The following TAFA1 variants were observed in gnomAD, a reference collection of about 807,000 sequenced individuals.
TAFA1 encodes chemokine-like protein TAFA-1.
TAFA1 carries 4 observed loss-of-function variants against 18.5 expected under a neutral mutation model. The ratio of observed to expected loss-of-function variants is 0.22; its 90% CI spans 0.11 to 0.49. TAFA1 has a LOEUF of 0.49. Among genes scored for constraint, TAFA1 ranks in the 20% least tolerant of loss-of-function variants. The pLI is 0.98. For missense variants in TAFA1, 147 were observed against 169.0 expected (o/e 0.87, Z 0.72); for synonymous variants, 56 against 55.2 (o/e 1.01, Z -0.06).
intron 2 of TAFA1, among the ~76,000 whole-genome samples, chr3:68,126,072 G>A (rs549890650): frequency 3.6e-4 from 55 of 152,162 alleles, no homozygotes; most frequent in African/African-American, 1.0e-3. Context: ...CTGCTCCTTC[G>A]CTCCTGTCTC....
intron 2 of TAFA1, among the ~76,000 whole-genome samples, chr3:68,065,756 A>ATG (rs2064668168): frequency 1.4e-5 from 2 of 147,296 alleles, no homozygotes; most frequent in South Asian, 4.3e-4. Flanking sequence ...ATATATATAT[A>ATG]TATATATATA....
chr3:68,321,143 G>A (rs1240224865), intron 2 of TAFA1, among the ~76,000 whole-genome samples: 1 of 152,136 alleles, frequency 6.6e-6, no homozygotes, highest in Admixed American at 6.6e-5. Flanking sequence ...TCTCGAATAG[G>A]GGATAAATAT....
At chr3:68,521,691 T>C (rs1365475309) in intron 3 of TAFA1, among the ~76,000 whole-genome samples, 2 of 152,008 alleles carry the variant, frequency 1.3e-5, no homozygotes, top group Non-Finnish European at 1.5e-5. Context: ...GATTTTCTTG[T>C]ATTTGAGAAA....
chr3:68,035,204 G>A lies in TAFA1; in HGVS notation c.118+28460G>A, dbSNP rs1448137227. ...ATTAGACTTTTATTTCCAGAGATCTGTGGGCCAGGCCAGCCTGTGGTCCTA... is the reference window on the plus strand; with the variant it reads ...ATTAGACTTTTATTTCCAGAGATCTATGGGCCAGGCCAGCCTGTGGTCCTA... On this transcript the variant is annotated intron_variant, in intron 2 of 4. Transcript: ENST00000478136. Among the ~76,000 whole-genome samples, 2 of 152,100 alleles carry A rather than the reference G, an allele frequency of 1.3e-5. 1 individual carries two copies. Among genetic ancestry groups the A allele is most frequent in the Middle Eastern group, 6.3e-3 (2 of 316 alleles).
intron 2 of TAFA1, among the ~76,000 whole-genome samples, chr3:68,235,354 T>C (rs902282450): frequency 1.3e-5 from 2 of 152,228 alleles, no homozygotes; most frequent in African/African-American, 4.8e-5. Flanking sequence ...GTCTCTATTA[T>C]ATTGATAGCA....
rs114527045 is a variant in TAFA1, at chr3:68,453,019, A to G, written c.259+35599A>G. ...AATATAAATTCATTTGAAACACTAC[A>G]GTGTTGCTAGATACTTGGGGCTTTT... On this transcript the variant is annotated intron_variant, in intron 3 of 4. Transcript: ENST00000478136. 7.4e-3 allele frequency among the ~76,000 whole-genome samples: 1,127 copies of G among 152,286 alleles called. 11 individuals carry two copies. Among genetic ancestry groups the G allele is most frequent in the African/African-American group, 0.025 (1,047 of 41,556 alleles).
intron 2 of TAFA1, among the ~76,000 whole-genome samples, chr3:68,157,859 T>G (rs1438526640): frequency 1.3e-5 from 2 of 152,172 alleles, no homozygotes; most frequent in African/African-American, 4.8e-5. Context: ...TCTACTTGGT[T>G]TGAAGGATTT....
upstream of TAFA1, among the ~76,000 whole-genome samples, chr3:68,002,035 C>T (rs554254066): frequency 3.7e-4 from 57 of 152,292 alleles, no homozygotes; most frequent in African/African-American, 1.3e-3. Flanking sequence ...ATACCCAACC[C>T]TAAAGGGATC....
chr3:68,434,787 G>A (rs1191882932), intron 3 of TAFA1, among the ~76,000 whole-genome samples: 2 of 152,080 alleles, frequency 1.3e-5, no homozygotes, highest in Non-Finnish European at 2.9e-5. Flanking sequence ...TCTAAAACTA[G>A]TCATTTTTGC....
Position 68,484,226 on chromosome 3 carries a change from A to T in TAFA1, c.260-54530A>T, listed in dbSNP as rs189341038. On this transcript the variant is annotated intron_variant, in intron 3 of 4. Coordinates refer to ENST00000478136, the MANE Select transcript of TAFA1 (RefSeq NM_213609.4). ...AGTGTATATTTTAGACTTATAGCGT[A>T]TCTCATTTGGAACCAGCCACCTTTC... Among the ~76,000 whole-genome samples the T allele has an allele frequency of 6.3e-4, 96 of 152,302 alleles. 1 individual carries two copies. The highest frequency in any genetic ancestry group is 6.2e-3 in the South Asian group (30 of 4,820).
In TAFA1 at chr3:68,145,312, G is replaced by A. The variant is rs1319185690; in HGVS notation, c.118+138568G>A. ...CTCATCAGTGGTCTGAGACAGTCCAGCCAATTATGGAAGCACTTAGAGATG... is the reference window on the plus strand; with the variant it reads ...CTCATCAGTGGTCTGAGACAGTCCAACCAATTATGGAAGCACTTAGAGATG... On this transcript the variant is annotated intron_variant, in intron 2 of 4. Coordinates refer to ENST00000478136, the MANE Select transcript of TAFA1 (RefSeq NM_213609.4). 3 of 791,816 alleles carry A rather than the reference G, an allele frequency of 3.8e-6. No homozygotes were observed. In the East Asian group the frequency reaches 7.3e-5, roughly 19 times the overall value. The allele number at this position is 791,816 out of a possible 1,614,324, so 49.0% of individuals were successfully genotyped here.
chr3:68,383,417 C>A (rs1447668011), intron 2 of TAFA1, among the ~76,000 whole-genome samples: 1 of 151,992 alleles, frequency 6.6e-6, no homozygotes, highest in Admixed American at 6.6e-5. Context: ...TTTGTGAAAG[C>A]CTTTTCTGCA....
chr3:68,001,657 T>G (rs1174209688), upstream of TAFA1, among the ~76,000 whole-genome samples: 1 of 151,974 alleles, frequency 6.6e-6, no homozygotes, highest in Non-Finnish European at 1.5e-5. Context: ...GACATAGTTG[T>G]GATTACTGAT....
chr3:68,478,679 T>C (rs1483437923), intron 3 of TAFA1, among the ~76,000 whole-genome samples: 1 of 152,096 alleles, frequency 6.6e-6, no homozygotes, highest in African/African-American at 2.4e-5. Flanking sequence ...TTGAAACAAC[T>C]AGCAATTTAT....
At chr3:68,290,194 A>G (rs1287107341) in intron 2 of TAFA1, among the ~76,000 whole-genome samples, 4 of 152,170 alleles carry the variant, frequency 2.6e-5, no homozygotes, top group Non-Finnish European at 5.9e-5. Flanking sequence ...CTTTAGCTTT[A>G]GTTAACCCAA....
At chr3:68,149,465 C>T (rs1241552897) in intron 2 of TAFA1, among the ~76,000 whole-genome samples, 2 of 152,162 alleles carry the variant, frequency 1.3e-5, no homozygotes, top group Admixed American at 6.6e-5. Flanking sequence ...CCAACATCTG[C>T]TTCTGATGAG....
chr3:67,993,662 C>T, the TAFA1 span, among the ~76,000 whole-genome samples: 77 of 152,178 alleles, frequency 5.1e-4, no homozygotes, highest in African/African-American at 1.8e-3. Context: ...TACTGGCTGC[C>T]ATAGATATGT....
At chr3:68,423,358 C>G (rs2070993704) in intron 3 of TAFA1, among the ~76,000 whole-genome samples, 2 of 152,088 alleles carry the variant, frequency 1.3e-5, no homozygotes, top group Admixed American at 6.6e-5. Context: ...GTGACTGACT[C>G]AAAAATCACA....
chr3:68,113,402 C>T (rs1189950281), intron 2 of TAFA1, among the ~76,000 whole-genome samples: 1 of 152,028 alleles, frequency 6.6e-6, no homozygotes, highest in African/African-American at 2.4e-5. Context: ...ACACCATTTA[C>T]AAAAATCAAA....
Sources: allele counts gnomAD v4.1 joint callset (sites outside exome capture counted in the v4.1 genomes callset), GRCh38; gene constraint gnomAD v4.1.1; transcripts MANE v1.5; gene names NCBI Gene and HGNC (gene_info 2026-07-23, HGNC 2026-07-21).